The following TLCD3B variants were observed in gnomAD, a reference collection of about 807,000 sequenced individuals.
The protein encoded by TLCD3B is TLC domain containing 3B, also known as ceramide synthase.
Under a neutral mutation model 23.0 loss-of-function variants are expected in TLCD3B, and 9 were observed. The ratio of observed to expected loss-of-function variants is 0.39; its 90% CI spans 0.24 to 0.68. TLCD3B has a LOEUF of 0.68. TLCD3B is among the 30% of genes least tolerant of loss of function. The probability of loss-of-function intolerance (pLI) is 0.44; values close to 1 mark genes in which losing one functional copy is unlikely to be tolerated. For synonymous variants in TLCD3B, 161 were observed against 161.0 expected, an observed-to-expected ratio of 1.00 and a Z score of 0.00; for missense variants, 307 against 371.8, an observed-to-expected ratio of 0.83 and a Z score of 1.43.
At chr16:30,049,693 G>A (rs2071722435) in intron 1 of TLCD3B, among the ~76,000 whole-genome samples, 1 of 152,138 alleles carries the variant, frequency 6.6e-6, no homozygotes, top group African/African-American at 2.4e-5. Context: ...TTGGGAGGCC[G>A]ACGTGGACAA....
intron 3 of TLCD3B, among the ~76,000 whole-genome samples, 188 bp downstream of exon 3, chr16:30,026,421 G>A (rs2150975305): frequency 6.6e-6 from 1 of 152,246 alleles, no homozygotes; most frequent in Non-Finnish European, 1.5e-5. Context: ...GGGCCAGGCT[G>A]CCCCCACACC....
chr16:30,038,425 C>T (rs945352813), intron 3 of TLCD3B, among the ~76,000 whole-genome samples: 4 of 152,050 alleles, frequency 2.6e-5, no homozygotes, highest in Admixed American at 6.6e-5. Context: ...GCACTCCAGC[C>T]TTGGGCCACA....
At chr16:30,050,509 T>A (rs1054635437) in intron 1 of TLCD3B, among the ~76,000 whole-genome samples, 2 of 152,114 alleles carry the variant, frequency 1.3e-5, no homozygotes, top group Non-Finnish European at 2.9e-5. Context: ...GCCATTGCAC[T>A]CCAGCCTGGG....
chr16:30,037,748 A>T (rs1358836061), intron 3 of TLCD3B, among the ~76,000 whole-genome samples: 1 of 152,030 alleles, frequency 6.6e-6, no homozygotes, highest in Admixed American at 6.6e-5. Flanking sequence ...CCAAAAAAGT[A>T]GTCCTAAGTA....
intron 2 of TLCD3B, among the ~76,000 whole-genome samples, chr16:30,045,366 T>G: frequency 7.3e-6 from 1 of 136,376 alleles, no homozygotes; most frequent in Non-Finnish European, 1.6e-5. Flanking sequence ...TGTGTGTGTG[T>G]GGTTTGTGTG....
At chr16:30,050,499 G>A (rs2071733761) in intron 1 of TLCD3B, among the ~76,000 whole-genome samples, 1 of 152,124 alleles carries the variant, frequency 6.6e-6, no homozygotes, top group African/African-American at 2.4e-5. Context: ...CCATGATTGT[G>A]CCATTGCACT....
chr16:30,034,728 T>C (rs958865663), upstream of TLCD3B, among the ~76,000 whole-genome samples: 3 of 152,098 alleles, frequency 2.0e-5, no homozygotes, highest in Admixed American at 6.6e-5. Context: ...ACAGCCCTCA[T>C]ATTATCTGCA....
At chr16:30,045,092 C>CAAAAAAAAAAAAAA (rs1162281544) in intron 2 of TLCD3B, among the ~76,000 whole-genome samples, 41 of 22,206 alleles carry the variant, frequency 1.8e-3, no homozygotes, top group Non-Finnish European at 2.2e-3. Context: ...GACTCCATCT[C>CAAAAAAAAAAAAAA]AAAAAAAAAA....
chr16:30,047,231 C>T (rs1393398900), intron 1 of TLCD3B, among the ~76,000 whole-genome samples: 4 of 152,074 alleles, frequency 2.6e-5, no homozygotes, highest in Non-Finnish European at 5.9e-5. Flanking sequence ...CTGCCCCCAG[C>T]GGTCAAGCAA....
In TLCD3B at chr16:30,026,594, CT is replaced by C; in HGVS notation, c.444+14del. The C allele has an allele frequency of 6.2e-7, 1 of 1,606,272 alleles. No individual in the cohort carries two copies. The highest frequency in any genetic ancestry group is 8.5e-7 in the Non-Finnish European group (1 of 1,174,516). On this transcript the variant is annotated intron_variant, in intron 3 of 4. Coordinates refer to ENST00000380495, the MANE Select transcript of TLCD3B (RefSeq NM_031478.6). The stretch of plus-strand genomic sequence containing the variant: ...GGCCACCCGCACCCCGCCCGCCCAG[CT>C]CCCCGGGACTCACCACTGAGAGTGG...
intron 1 of TLCD3B, among the ~76,000 whole-genome samples, chr16:30,048,888 A>G (rs1313126231): frequency 2.0e-5 from 3 of 152,020 alleles, no homozygotes; most frequent in African/African-American, 7.3e-5. Context: ...CTCCTGTCTC[A>G]GCCTCCCAAG....
At chr16:30,047,151 G>C (rs951969246) in intron 1 of TLCD3B, among the ~76,000 whole-genome samples, 1 of 151,632 alleles carries the variant, frequency 6.6e-6, no homozygotes, top group Admixed American at 6.6e-5. Flanking sequence ...CTGTCTGTCT[G>C]TCTGTCTGTC....
intron 2 of TLCD3B, among the ~76,000 whole-genome samples, chr16:30,045,147 G>A (rs1338389062): frequency 1.4e-5 from 2 of 145,834 alleles, no homozygotes; most frequent in Non-Finnish European, 3.0e-5. Context: ...CAGAGAGAAA[G>A]GTGTTAAAGG....
At chr16:30,036,940 C>T (rs895735494) in intron 3 of TLCD3B, among the ~76,000 whole-genome samples, 1 of 151,168 alleles carries the variant, frequency 6.6e-6, no homozygotes, top group Non-Finnish European at 1.5e-5. Flanking sequence ...CAAAAATTAG[C>T]CAGGCGTGAT....
At chr16:30,051,224 A>G (rs928919261) in intron 1 of TLCD3B, among the ~76,000 whole-genome samples, 1 of 151,794 alleles carries the variant, frequency 6.6e-6, no homozygotes, top group Non-Finnish European at 1.5e-5. Context: ...GTGAGACCCC[A>G]TGTCTACTTT....
chr16:30,029,972 C>T lies in TLCD3B; in HGVS notation c.125+431G>A. The T allele has an allele frequency of 8.0e-7, 1 of 1,248,470 alleles. No homozygotes were observed. Among genetic ancestry groups the T allele is most frequent in the Non-Finnish European group, 1.1e-6 (1 of 935,560 alleles). 77.3% of individuals were successfully genotyped at this position (1,248,470 alleles called of 1,614,324 possible). On this transcript the variant is annotated intron_variant, in intron 1 of 4. Transcript: ENST00000380495. The surrounding 1 kb of genome is among the most constrained non-coding windows in gnomAD (Gnocchi z 4.6). ...CACTTTCCCACTGTCTCCTGACTGC[C>T]ACCAGCCTCCACTCTGCACTCTGGC... is the stretch of plus-strand genomic sequence containing the variant.
upstream of TLCD3B, chr16:30,036,165 C>T: frequency 7.8e-7 from 1 of 1,287,832 alleles, no homozygotes; most frequent in South Asian, 1.2e-5. Flanking sequence ...CTCAGAGGGA[C>T]AGGTTGGAAG....
Position 30,025,217 on chromosome 16 carries a change from G to A in TLCD3B, c.791C>T (p.Ser264Phe), listed in dbSNP as rs2071059376. Residue 264 changes from serine (S) to phenylalanine (F), a missense_variant, in exon 5 of 5, where the codon TCC (serine) becomes TTC (phenylalanine). By Grantham distance (155) the Ser-to-Phe change is radical. Transcript: ENST00000380495. This position sits in a 1 kb window ranked among gnomAD's most constrained non-coding sequence, Gnocchi z 4.1. ...GGCCTGGCAGGCCGGGGGCGGCCGG[G>A]AGCGGGGCCAGAAGAGGCGGCAGGC... The part of the protein sequence containing the change: ...RGACRLFWPR[S>F]RPPPACQAQD 5.3e-6 allele frequency: 8 copies of A among 1,503,908 alleles called. No homozygotes were observed. The highest frequency in any genetic ancestry group is 7.1e-6 in the Non-Finnish European group (8 of 1,130,436). The allele number at this position is 1,503,908 out of a possible 1,614,324, so 93.2% of individuals were successfully genotyped here.
chr16:30,025,339 C>T lies in TLCD3B; in HGVS notation c.669G>A (p.Leu223=), dbSNP rs1404048577. 2 of 1,584,424 alleles carry T rather than the reference C, an allele frequency of 1.3e-6. No homozygotes were observed. Among genetic ancestry groups the T allele is most frequent in the East Asian group, 2.3e-5 (1 of 42,880 alleles). ...WAYGRHAGLP[L]LAVPLAIPAH... ...CAGGGATGGCCAGGGGCACGGCCAG[C>T]AGGGGCAGGCCGGCATGGCGCCCGT... The change falls in exon 5 of 5, where the codon CTG becomes CTA. Residue 223 remains leucine (L), a synonymous_variant. Transcript: ENST00000380495. This position sits in a 1 kb window ranked among gnomAD's most constrained non-coding sequence, Gnocchi z 4.1.
Sources: allele counts gnomAD v4.1 joint callset (sites outside exome capture counted in the v4.1 genomes callset), GRCh38; gene constraint gnomAD v4.1.1; non-coding constraint Gnocchi (gnomAD v3.1); transcripts MANE v1.5; gene names NCBI Gene and HGNC (gene_info 2026-07-23, HGNC 2026-07-21).